The following WFDC3 variants were observed in gnomAD, a reference collection of about 807,000 sequenced individuals.
WFDC3 encodes WAP four-disulfide core domain 3.
In WFDC3, 15 loss-of-function variants were observed where a neutral mutation model predicts 25.8. That is an observed-to-expected ratio of 0.58 (90% CI 0.39 to 0.89). The LOEUF is 0.89. WFDC3 is among the 40% of genes least tolerant of loss of function. WFDC3 has a pLI of 0.00. For missense variants in WFDC3, 264 were observed against 289.8 expected (o/e 0.91, Z 0.65); for synonymous variants, 103 against 107.1 (o/e 0.96, Z 0.24).
chr20:45,774,969 T>C (rs1434915520), intron 6 of WFDC3, among the ~76,000 whole-genome samples: 1 of 147,124 alleles, frequency 6.8e-6, no homozygotes, highest in Non-Finnish European at 1.5e-5. Context: ...AAACTGGAGA[T>C]ACGTCTGTTC....
chr20:45,776,148 C>G (rs977028186), intron 5 of WFDC3, among the ~76,000 whole-genome samples: 1 of 152,130 alleles, frequency 6.6e-6, no homozygotes, highest in Admixed American at 6.6e-5. Context: ...GCCTGGGAAT[C>G]TAAAGGGACT....
intron 2 of WFDC3, 75 bp downstream of exon 2, chr20:45,789,819 A>C: frequency 7.4e-7 from 1 of 1,343,410 alleles, no homozygotes. Flanking sequence ...CTCTGGGAGA[A>C]GGCAGGGGAT....
chr20:45,783,570 T>A (rs59035785), intron 4 of WFDC3, among the ~76,000 whole-genome samples: 4,110 of 151,836 alleles, frequency 0.027, 124 homozygotes, highest in East Asian at 0.085. Context: ...ATAATAAAAG[T>A]GAGATTCAGA....
In WFDC3 at chr20:45,786,206, A is replaced by G. The variant is rs1408792440; in HGVS notation, c.358+1630T>C. Among the ~76,000 whole-genome samples, 4 of 152,156 alleles carry G rather than the reference A, an allele frequency of 2.6e-5. No individual in the cohort carries two copies. The East Asian group carries it at 7.7e-4, about 29-fold the overall frequency. On this transcript the variant is annotated intron_variant, in intron 4 of 6. Transcript: ENST00000243938. ...GGAGTGTGAGACCAACCCAGCCAAC[A>G]TGGTGAGACCCCATCTCTCCTAAAA...
chr20:45,788,942 T>C lies in WFDC3; in HGVS notation c.200A>G (p.Asp67Gly), dbSNP rs1980809713. The C allele has an allele frequency of 6.2e-7, 1 of 1,611,378 alleles. No homozygotes were observed. Among genetic ancestry groups the C allele is most frequent in the Admixed American group, 1.7e-5 (1 of 59,196 alleles). Reference sequence around the variant, plus strand: ...TCATGCCAACATACCCTTAGGAATGTCTCGGCAGATCCGACCACAGCCTGT... The same window carrying C: ...TCATGCCAACATACCCTTAGGAATGCCTCGGCAGATCCGACCACAGCCTGT... ...CTTGCGRICR[D>G]IPKGRKRDCP... Residue 67 changes from aspartate to glycine, a missense_variant, in exon 3 of 7, where the codon GAC becomes GGC. Physicochemically the swap from Asp to Gly is moderately conservative, Grantham distance 94. Coordinates refer to ENST00000243938, the MANE Select transcript of WFDC3 (RefSeq NM_080614.2).
intron 4 of WFDC3, among the ~76,000 whole-genome samples, chr20:45,778,486 C>A (rs1980294605): frequency 6.6e-6 from 1 of 152,184 alleles, no homozygotes. Flanking sequence ...TGATTTGTTT[C>A]CCCATACTCT....
chr20:45,785,241 G>A (rs994215789), intron 4 of WFDC3, among the ~76,000 whole-genome samples: 3 of 152,050 alleles, frequency 2.0e-5, no homozygotes, highest in Non-Finnish European at 4.4e-5. Flanking sequence ...GAGCCAAGGT[G>A]GGCAGATCAC....
At chr20:45,784,990 C>T (rs1980605566) in intron 4 of WFDC3, among the ~76,000 whole-genome samples, 1 of 152,184 alleles carries the variant, frequency 6.6e-6, no homozygotes, top group Admixed American at 6.5e-5. Flanking sequence ...GGATTTTCCA[C>T]TCTAACATCC....
At chr20:45,789,826 G>A (rs1160840058) in intron 2 of WFDC3, 68 bp downstream of exon 2, 1 of 1,397,822 alleles carries the variant, frequency 7.2e-7, no homozygotes, top group African/African-American at 1.4e-5. Context: ...AGAAGGCAGG[G>A]GATGAGTTCT....
At chr20:45,783,140 G>A (rs1452822767) in intron 4 of WFDC3, among the ~76,000 whole-genome samples, 1 of 152,158 alleles carries the variant, frequency 6.6e-6, no homozygotes, top group Non-Finnish European at 1.5e-5. Context: ...CCACATGCCA[G>A]GTAGGGTAGC....
In WFDC3 at chr20:45,774,351, C is replaced by T; in HGVS notation, c.*77G>A. ...GAGTGCCCCTGGAAATGTCACAAGCCCCAGGATGTCACCCTCTCTTGACTG... is the reference window on the plus strand; with the variant it reads ...GAGTGCCCCTGGAAATGTCACAAGCTCCAGGATGTCACCCTCTCTTGACTG... On this transcript the variant is annotated 3_prime_UTR_variant, in exon 7 of 7. Transcript: ENST00000243938. 3 of 1,601,156 alleles carry T rather than the reference C, an allele frequency of 1.9e-6. No homozygotes were observed. Among genetic ancestry groups the T allele is most frequent in the Non-Finnish European group, 2.6e-6 (3 of 1,168,382 alleles).
rs776548494 is a variant in WFDC3 at position 45,775,477 on chromosome 20, C to T, written c.619G>A (p.Val207Ile). Reference protein sequence around the residue: ...SGCGRFCVPPVLPPKLTMNPN... With the variant: ...SGCGRFCVPPILPPKLTMNPN... ...TTCATGGTCAGTTTTGGGGGCAGGA[C>T]TGGTGGGACACAGAAGCGGCCACAG... The change falls in exon 6 of 7, where the codon GTC becomes ATC. Residue 207 changes from valine to isoleucine, a missense_variant. Coordinates refer to ENST00000243938, the MANE Select transcript of WFDC3 (RefSeq NM_080614.2). 6.2e-7 allele frequency: 1 copy of T among 1,614,194 alleles called. No homozygotes were observed. Among genetic ancestry groups the T allele is most frequent in the Non-Finnish European group, 8.5e-7 (1 of 1,180,038 alleles).
chr20:45,775,690 T>G, intron 5 of WFDC3, 88 bp from the exon 6 acceptor site: 1 of 1,536,008 alleles, frequency 6.5e-7, no homozygotes, highest in Non-Finnish European at 8.9e-7. Flanking sequence ...ACAGAGGCTC[T>G]AGGTCAATCA....
intron 5 of WFDC3, among the ~76,000 whole-genome samples, chr20:45,776,621 AGAAAAAAAAAAAAAATATAT>A (rs1980181155): frequency 1.0e-4 from 8 of 77,864 alleles, no homozygotes; most frequent in East Asian, 8.0e-4. Context: ...AAGAAAAAAA[AGAAAAAAAAAAAAAATATAT>A]ATATATATAT....
intron 4 of WFDC3, among the ~76,000 whole-genome samples, chr20:45,784,145 A>C (rs891898352): frequency 6.6e-6 from 1 of 152,206 alleles, no homozygotes; most frequent in African/African-American, 2.4e-5. Flanking sequence ...AGATTGTACC[A>C]AGCCCTACAT....
At position 45,787,987 on chromosome 20, in the gene WFDC3, A is replaced by G; in HGVS notation, c.212-5T>C. On this transcript the variant is annotated splice_region_variant and splice_polypyrimidine_tract_variant and intron_variant, in intron 3 of 6. Transcript: ENST00000243938. ...TAGGGCAATCTCTTTTCCTCCCTGTAGCAAAAAGGGAGACAGCAAAGAAAA... is the reference window on the plus strand; with the variant it reads ...TAGGGCAATCTCTTTTCCTCCCTGTGGCAAAAAGGGAGACAGCAAAGAAAA... 1 of 1,611,660 alleles carries G rather than the reference A, an allele frequency of 6.2e-7. No homozygotes were observed. Among genetic ancestry groups the G allele is most frequent in the South Asian group, 1.1e-5 (1 of 90,604 alleles).
At chr20:45,790,058 G>T in intron 1 of WFDC3, 76 bp from the exon 2 acceptor site, 3 of 1,186,104 alleles carry the variant, frequency 2.5e-6, no homozygotes, top group Non-Finnish European at 3.7e-6. Flanking sequence ...GGTATGAGCA[G>T]GACTAGGGAT....
At chr20:45,790,608 C>G (rs1011052080) in intron 1 of WFDC3, among the ~76,000 whole-genome samples, 1 of 152,110 alleles carries the variant, frequency 6.6e-6, no homozygotes, top group African/African-American at 2.4e-5. Context: ...GCCTGTAATC[C>G]CAGCTACGTG....
At chr20:45,779,815 C>T (rs550395168) in intron 4 of WFDC3, 3 of 152,174 alleles carry the variant, frequency 2.0e-5, no homozygotes, top group African/African-American at 4.8e-5. Flanking sequence ...TCTCTGCCCT[C>T]GTCCTCAAGA....
Sources: allele counts gnomAD v4.1 joint callset (sites outside exome capture counted in the v4.1 genomes callset), GRCh38; gene constraint gnomAD v4.1.1; transcripts MANE v1.5; gene names NCBI Gene and HGNC (gene_info 2026-07-23, HGNC 2026-07-21).